The following RNF157 variants were observed in gnomAD, a reference collection of about 807,000 sequenced individuals.
The protein encoded by RNF157 is ring finger protein 157, also known as E3 ubiquitin ligase RNF157.
A neutral mutation model predicts 88.3 loss-of-function variants in RNF157; 55 were observed. The ratio of observed to expected loss-of-function variants is 0.62; its 90% CI spans 0.50 to 0.78. RNF157 has a LOEUF of 0.78. RNF157 is among the 30% of genes least tolerant of loss of function. The probability of loss-of-function intolerance (pLI) is 0.00; values close to 1 mark genes in which losing one functional copy is unlikely to be tolerated. For missense variants in RNF157, 788 were observed against 860.8 expected (o/e 0.92, Z 1.06); for synonymous variants, 334 against 341.2 (o/e 0.98, Z 0.23).
intron 2 of RNF157, among the ~76,000 whole-genome samples, chr17:76,174,074 A>T (rs893664163): frequency 1.3e-5 from 2 of 150,706 alleles, no homozygotes; most frequent in African/African-American, 2.4e-5. Flanking sequence ...GAGAATTAAT[A>T]ATAAAAAAAA....
In RNF157 at chr17:76,213,588, T is replaced by A. The variant is rs1030493331; in HGVS notation, c.89-1106A>T. Among the ~76,000 whole-genome samples, 832 of 133,896 alleles carry A rather than the reference T, an allele frequency of 6.2e-3. 19 individuals are homozygous for A. Among genetic ancestry groups the A allele is most frequent in the African/African-American group, 0.023 (786 of 34,096 alleles). 87.8% of individuals were successfully genotyped at this position (133,896 alleles called of 152,430 possible). The stretch of plus-strand genomic sequence containing the variant: ...CCATCTCAAAAAAAAAAAAAAAAAA[T>A]GCTTGGAATATCCAAAGTGATGTCT... On this transcript the variant is annotated intron_variant, in intron 1 of 18. Coordinates refer to ENST00000269391, the MANE Select transcript of RNF157 (RefSeq NM_052916.3).
intron 18 of RNF157, 33 bp downstream of exon 18, chr17:76,152,322 C>T: frequency 7.4e-7 from 1 of 1,349,046 alleles, no homozygotes; most frequent in Non-Finnish European, 1.1e-6. Context: ...GATCGTCTCC[C>T]ACCAAGTTCA....
chr17:76,227,366 C>T (rs939668086), intron 1 of RNF157, among the ~76,000 whole-genome samples: 8 of 151,386 alleles, frequency 5.3e-5, no homozygotes, highest in African/African-American at 1.9e-4. Context: ...GGTGATCCGC[C>T]CACCTCAGCT....
intron 2 of RNF157, among the ~76,000 whole-genome samples, chr17:76,177,710 A>G (rs952667835): frequency 2.0e-5 from 3 of 152,022 alleles, no homozygotes. Flanking sequence ...AGGCCCATAA[A>G]AGGCCCAGGC....
In RNF157 at chr17:76,173,803, C is replaced by G. The variant is rs1357159341; in HGVS notation, c.208-13G>C. Reference sequence around the variant, plus strand: ...CGGCGTAAGGAAACTGTGTCAGAAACAAAGCAGGAGAAGGTGGTGTGTTTA... The same window carrying G: ...CGGCGTAAGGAAACTGTGTCAGAAAGAAAGCAGGAGAAGGTGGTGTGTTTA... On this transcript the variant is annotated splice_polypyrimidine_tract_variant and intron_variant, in intron 2 of 18. Transcript: ENST00000269391. 6.3e-7 allele frequency: 1 copy of G among 1,599,394 alleles called. No individual in the cohort carries two copies. Among genetic ancestry groups the G allele is most frequent in the Admixed American group, 1.7e-5 (1 of 59,088 alleles).
chr17:76,172,063 T>C (rs112374319), intron 3 of RNF157, among the ~76,000 whole-genome samples: 5 of 152,264 alleles, frequency 3.3e-5, no homozygotes, highest in African/African-American at 1.2e-4. Context: ...GGGACTGTTC[T>C]GCAGCAGACA....
chr17:76,204,450 G>A (rs1265913135), intron 2 of RNF157, among the ~76,000 whole-genome samples: 1 of 152,172 alleles, frequency 6.6e-6, no homozygotes, highest in African/African-American at 2.4e-5. Flanking sequence ...TCTGCAGCAA[G>A]CATCTTCAGG....
intron 18 of RNF157, chr17:76,147,409 G>A (rs1294100926): frequency 2.3e-5 from 20 of 860,858 alleles, no homozygotes; most frequent in South Asian, 5.1e-5. Flanking sequence ...CACCGCCGCC[G>A]CCACCACCAG....
At chr17:76,196,160 T>A (rs1256085273) in intron 2 of RNF157, among the ~76,000 whole-genome samples, 2 of 152,234 alleles carry the variant, frequency 1.3e-5, no homozygotes, top group Non-Finnish European at 2.9e-5. Flanking sequence ...TAAAGCTGTT[T>A]TCTTCCACCA....
At chr17:76,203,519 C>T (rs2069623285) in intron 2 of RNF157, among the ~76,000 whole-genome samples, 1 of 149,526 alleles carries the variant, frequency 6.7e-6, no homozygotes, top group African/African-American at 2.5e-5. Context: ...ATGGCGCAAT[C>T]TCAGCTCGCT....
chr17:76,218,126 G>GT (rs1198738795), intron 1 of RNF157, among the ~76,000 whole-genome samples: 1 of 151,932 alleles, frequency 6.6e-6, no homozygotes. Context: ...AAACCAAAAG[G>GT]TATGAGCCAG....
intron 15 of RNF157, 56 bp downstream of exon 15, chr17:76,155,506 T>C: frequency 1.3e-6 from 2 of 1,586,482 alleles, no homozygotes; most frequent in East Asian, 2.2e-5. Context: ...TTATGCTACT[T>C]TGGACATGTG....
At chr17:76,155,025 A>T (rs1164167203) in intron 16 of RNF157, among the ~76,000 whole-genome samples, 1 of 152,206 alleles carries the variant, frequency 6.6e-6, no homozygotes, top group Non-Finnish European at 1.5e-5. Context: ...CTCACTCCAC[A>T]CCAGTGACCC....
chr17:76,208,955 C>CG (rs2069728621), intron 2 of RNF157, among the ~76,000 whole-genome samples: 2 of 147,508 alleles, frequency 1.4e-5, no homozygotes, highest in Admixed American at 1.3e-4. Context: ...GCTTGGGTGA[C>CG]AGAGTGAGAC....
At chr17:76,218,142 T>C (rs1568071360) in intron 1 of RNF157, among the ~76,000 whole-genome samples, 2 of 152,028 alleles carry the variant, frequency 1.3e-5, no homozygotes, top group African/African-American at 2.4e-5. Flanking sequence ...GCCAGAATGA[T>C]CAACACTAAG....
intron 2 of RNF157, among the ~76,000 whole-genome samples, chr17:76,186,245 C>T (rs551255338): frequency 6.9e-4 from 105 of 152,308 alleles, no homozygotes; most frequent in Middle Eastern, 3.4e-3. Context: ...GTGACTCATG[C>T]CTGTAATCCC....
At chr17:76,217,302 C>T (rs1027086937) in intron 1 of RNF157, among the ~76,000 whole-genome samples, 7 of 152,012 alleles carry the variant, frequency 4.6e-5, no homozygotes, top group African/African-American at 1.7e-4. Context: ...AGCCACCGAG[C>T]CCAGCCATCC....
At chr17:76,236,296 C>T (rs1164332468) in intron 1 of RNF157, among the ~76,000 whole-genome samples, 1 of 152,180 alleles carries the variant, frequency 6.6e-6, no homozygotes, top group Non-Finnish European at 1.5e-5. Flanking sequence ...ATAAATTAAA[C>T]TGTCTTTATA....
intron 1 of RNF157, among the ~76,000 whole-genome samples, chr17:76,216,094 T>C (rs533856294): frequency 3.9e-5 from 6 of 152,150 alleles, no homozygotes; most frequent in South Asian, 2.1e-4. Flanking sequence ...TTAGGTAAAA[T>C]TGGAAAAGTT....
Sources: allele counts gnomAD v4.1 joint callset (sites outside exome capture counted in the v4.1 genomes callset), GRCh38; gene constraint gnomAD v4.1.1; transcripts MANE v1.5; gene names NCBI Gene and HGNC (gene_info 2026-07-23, HGNC 2026-07-21).